Variants in VRK2 observed in about 807,000 individuals in gnomAD.
VRK2 encodes the protein VRK serine/threonine kinase 2.
A neutral mutation model predicts 57.6 loss-of-function variants in VRK2; 60 were observed. The observed-to-expected ratio is 1.04, with a 90% CI of 0.85 to 1.29. VRK2 has a LOEUF of 1.29. Among genes scored for constraint, VRK2 ranks in the 50% most tolerant of loss-of-function variants. The pLI, the probability that VRK2 is intolerant of heterozygous loss-of-function variation, is 0.00. For missense variants in VRK2, 705 were observed against 588.1 expected, an observed-to-expected ratio of 1.20 and a Z score of -2.06; for synonymous variants, 231 against 199.2, an observed-to-expected ratio of 1.16 and a Z score of -1.35.
At chr2:58,133,297 T>A (rs933363656) in intron 9 of VRK2, among the ~76,000 whole-genome samples, 1 of 152,178 alleles carries the variant, frequency 6.6e-6, no homozygotes, top group African/African-American at 2.4e-5. Flanking sequence ...GCATAACTTC[T>A]ATTTACATTT....
At chr2:58,004,145 CTCTT>C (rs1002027333) in intron 1 of VRK2, among the ~76,000 whole-genome samples, 6 of 151,790 alleles carry the variant, frequency 4.0e-5, no homozygotes, top group Non-Finnish European at 8.8e-5. Flanking sequence ...GCTCTTTTTT[CTCTT>C]TGTCTCTTTT....
At chr2:58,055,843 A>T (rs901028144) in intron 2 of VRK2, among the ~76,000 whole-genome samples, 1 of 152,198 alleles carries the variant, frequency 6.6e-6, no homozygotes, top group Admixed American at 6.5e-5. Flanking sequence ...CAAAGGAAAA[A>T]GTTTAGTCCT....
At chr2:58,068,659 T>A (rs1572931634) in intron 2 of VRK2, among the ~76,000 whole-genome samples, 2 of 152,098 alleles carry the variant, frequency 1.3e-5, no homozygotes, top group Admixed American at 1.3e-4. Context: ...ATGTTCAATG[T>A]TTTGTTACTG....
In VRK2 at chr2:58,067,310, C is replaced by G. The variant is rs1668740545; in HGVS notation, c.137-16779C>G. On this transcript the variant is annotated intron_variant, in intron 2 of 12. Coordinates refer to ENST00000340157, the MANE Select transcript of VRK2 (RefSeq NM_006296.7). ...CTGTTGTGAGACTTCACCTTGTGATCATGTGAATCCTTAATACACTCCTTA... is the reference window on the plus strand; with the variant it reads ...CTGTTGTGAGACTTCACCTTGTGATGATGTGAATCCTTAATACACTCCTTA... Among the ~76,000 whole-genome samples, 3 of 152,224 alleles carry G rather than the reference C, an allele frequency of 2.0e-5. No homozygotes were observed. The South Asian group carries it at 6.2e-4, about 32-fold the overall frequency.
chr2:57,994,246 T>A (rs570045815), intron 1 of VRK2, among the ~76,000 whole-genome samples: 5 of 152,318 alleles, frequency 3.3e-5, no homozygotes, highest in African/African-American at 1.2e-4. Flanking sequence ...AAATAAAATC[T>A]GTAACTTTGC....
chr2:57,945,868 G>C (rs2103966435), intron 1 of VRK2, among the ~76,000 whole-genome samples: 1 of 152,250 alleles, frequency 6.6e-6, no homozygotes, highest in Middle Eastern at 3.4e-3. Context: ...ACTTAAGTAA[G>C]ACATGTAAAT....
intron 12 of VRK2, among the ~76,000 whole-genome samples, chr2:58,156,794 G>T (rs1427442417): frequency 1.3e-5 from 2 of 152,210 alleles, no homozygotes; most frequent in East Asian, 1.9e-4. Context: ...TATTTATGTA[G>T]ATGTTTTATA....
intron 2 of VRK2, among the ~76,000 whole-genome samples, chr2:58,030,464 T>C (rs1194336985): frequency 1.3e-5 from 2 of 152,066 alleles, no homozygotes; most frequent in Non-Finnish European, 2.9e-5. Context: ...AAAATGTCTT[T>C]AATGCACTCT....
intron 2 of VRK2, among the ~76,000 whole-genome samples, chr2:58,073,505 C>G (rs984619050): frequency 9.2e-5 from 14 of 151,844 alleles, no homozygotes; most frequent in Non-Finnish European, 2.1e-4. Flanking sequence ...TATATACACA[C>G]TAAGGATTAT....
At chr2:58,107,061 A>G (rs1674859920) in intron 7 of VRK2, among the ~76,000 whole-genome samples, 2 of 152,066 alleles carry the variant, frequency 1.3e-5, no homozygotes, top group Admixed American at 6.6e-5. Flanking sequence ...GATATGAGTG[A>G]TTCTTGTGAA....
chr2:57,956,130 T>G (rs932334089), intron 1 of VRK2, among the ~76,000 whole-genome samples: 1 of 152,174 alleles, frequency 6.6e-6, no homozygotes, highest in Non-Finnish European at 1.5e-5. Context: ...AGGTGGCTAA[T>G]GCCGCTTTGG....
At position 58,159,346 on chromosome 2, in the gene VRK2, T is replaced by C. The variant is rs766854274; in HGVS notation, c.1183-3T>C. 2 of 1,588,722 alleles carry C rather than the reference T, an allele frequency of 1.3e-6. No homozygotes were observed. Among genetic ancestry groups the C allele is most frequent in the African/African-American group, 1.4e-5 (1 of 73,118 alleles). ...CTAAACTATATATGTATTTTTTCCATAGGAAAGCACAAGGAGAAGACAGAA... is the reference window on the plus strand; with the variant it reads ...CTAAACTATATATGTATTTTTTCCACAGGAAAGCACAAGGAGAAGACAGAA... On this transcript the variant is annotated splice_polypyrimidine_tract_variant and splice_region_variant and intron_variant, in intron 12 of 12. Coordinates refer to ENST00000340157, the MANE Select transcript of VRK2 (RefSeq NM_006296.7).
intron 2 of VRK2, among the ~76,000 whole-genome samples, chr2:58,070,528 T>C (rs914209101): frequency 2.0e-5 from 3 of 152,190 alleles, no homozygotes; most frequent in Non-Finnish European, 2.9e-5. Flanking sequence ...TTACTGTTTC[T>C]GTAGTTTTGC....
chr2:57,923,365 T>G (rs1453360181), intron 1 of VRK2, among the ~76,000 whole-genome samples: 5 of 152,020 alleles, frequency 3.3e-5, no homozygotes, highest in Non-Finnish European at 5.9e-5. Context: ...GAGGGTTCTC[T>G]TTTCTCCACA....
chr2:58,130,199 A>G (rs1678978001), intron 8 of VRK2, among the ~76,000 whole-genome samples: 1 of 152,184 alleles, frequency 6.6e-6, no homozygotes, highest in African/African-American at 2.4e-5. Context: ...TGTGTAGCTT[A>G]TATCATCCAA....
intron 1 of VRK2, among the ~76,000 whole-genome samples, chr2:57,927,359 C>A (rs1203007770): frequency 6.6e-6 from 1 of 151,470 alleles, no homozygotes; most frequent in Admixed American, 6.6e-5. Context: ...TCACTGCAAC[C>A]TTTGCCTCTC....
At chr2:58,034,300 C>T (rs1674207153) in intron 3 of VRK2, among the ~76,000 whole-genome samples, 3 of 151,948 alleles carry the variant, frequency 2.0e-5, no homozygotes, top group Admixed American at 2.0e-4. Flanking sequence ...TAGCAAATTT[C>T]TTCCCACCTC....
intron 12 of VRK2, among the ~76,000 whole-genome samples, chr2:58,157,850 T>C (rs937685188): frequency 1.3e-5 from 2 of 152,012 alleles, no homozygotes; most frequent in African/African-American, 4.8e-5. Flanking sequence ...AAAGCCCACA[T>C]AGACAATACA....
At chr2:58,070,156 A>G (rs1669185271) in intron 2 of VRK2, among the ~76,000 whole-genome samples, 1 of 152,158 alleles carries the variant, frequency 6.6e-6, no homozygotes, top group Non-Finnish European at 1.5e-5. Flanking sequence ...ATACATTATT[A>G]TTCACTAAAG....
Sources: allele counts gnomAD v4.1 joint callset (sites outside exome capture counted in the v4.1 genomes callset), GRCh38; gene constraint gnomAD v4.1.1; transcripts MANE v1.5; gene names NCBI Gene and HGNC (gene_info 2026-07-23, HGNC 2026-07-21).